Variants in TBC1D2 observed in about 807,000 individuals in gnomAD.
The protein encoded by TBC1D2 is TBC1 domain family member 2A.
Under a neutral mutation model 91.1 loss-of-function variants are expected in TBC1D2, and 58 were observed. The observed-to-expected ratio is 0.64, with a 90% confidence interval of 0.52 to 0.79. The LOEUF (loss-of-function observed/expected upper bound fraction) is 0.79, where lower values mean the gene tolerates loss of function less well. Among genes scored for constraint, TBC1D2 ranks in the 30% least tolerant of loss-of-function variants. The pLI is 0.00. For synonymous variants in TBC1D2, 482 were observed against 511.5 expected (o/e 0.94, Z 0.78); for missense variants, 1,080 against 1,208.3 (o/e 0.89, Z 1.57).
Position 98,244,142 on chromosome 9 carries a change from A to G in TBC1D2, c.512-13T>C. 6.2e-7 allele frequency: 1 copy of G among 1,612,592 alleles called. No individual in the cohort carries two copies. The highest frequency in any genetic ancestry group is 8.5e-7 in the Non-Finnish European group (1 of 1,179,322). On this transcript the variant is annotated splice_polypyrimidine_tract_variant and intron_variant, in intron 2 of 12. Transcript: ENST00000465784. ...GCCTCTTCTTGCCCTGGGAACAAAG[A>G]AAAGGGAAATCCATCAGCTGGGTCA...
intron 3 of TBC1D2, chr9:98,235,078 C>G (rs532782516): frequency 4.8e-6 from 1 of 210,480 alleles, no homozygotes; most frequent in East Asian, 1.2e-4. Flanking sequence ...GTGGCGCATG[C>G]CTGTAGTCCC....
chr9:98,203,558 G>T, intron 9 of TBC1D2, 150 bp from the exon 10 acceptor site: 1 of 1,201,268 alleles, frequency 8.3e-7, no homozygotes, highest in African/African-American at 1.5e-5. Flanking sequence ...TTGTGCTCCT[G>T]GCACCTGGGG....
chr9:98,229,504 T>C (rs2119124796), intron 4 of TBC1D2, among the ~76,000 whole-genome samples: 1 of 152,350 alleles, frequency 6.6e-6, no homozygotes, highest in South Asian at 2.1e-4. Flanking sequence ...GCCAAGTGGC[T>C]TTCTCCTCAG....
At chr9:98,234,922 A>G (rs1829464270) in intron 3 of TBC1D2, 1 of 194,668 alleles carries the variant, frequency 5.1e-6, no homozygotes, top group Admixed American at 4.8e-5. Context: ...GATCTGGGAT[A>G]TGGCTGGGCA....
Position 98,229,073 on chromosome 9 carries a change from C to A in TBC1D2, c.857G>T (p.Arg286Leu). The A allele has an allele frequency of 6.2e-7, 1 of 1,614,172 alleles. No individual in the cohort carries two copies. Among genetic ancestry groups the A allele is most frequent in the South Asian group, 1.1e-5 (1 of 91,084 alleles). Residue 286 changes from arginine (R) to leucine (L), a missense_variant, in exon 5 of 13, where the codon CGC (arginine) becomes CTC (leucine). By Grantham distance (102) the Arg-to-Leu change is moderately radical. Coordinates refer to ENST00000465784, the MANE Select transcript of TBC1D2 (RefSeq NM_001267571.2). ...LTISFAQKAK[R>L]QNNTFPFFSE... The stretch of plus-strand genomic sequence containing the variant: ...AAAGAATGGGAAGGTGTTGTTCTGG[C>A]GCTTGGCTTTCTGAGCGAAACTGAT...
rs150927921 is a variant in TBC1D2 at position 98,255,453 on chromosome 9, G to T, written c.89C>A (p.Pro30Gln). The T allele has an allele frequency of 1.3e-4, 207 of 1,599,592 alleles. No homozygotes were observed. Among genetic ancestry groups the T allele is most frequent in the Non-Finnish European group, 1.7e-4 (201 of 1,171,140 alleles). The change falls in exon 1 of 13, where the codon CCG becomes CAG. Residue 30 changes from proline to glutamine, a missense_variant. Transcript: ENST00000465784. ...GGCGCAGTCCCCCGATTCTTCCTCC[G>T]GAGGCGGCACCTGTGGATCCCTGGC... Reference protein sequence around the residue: ...ESARDPQVPPPEEESGDCARS... With the variant: ...ESARDPQVPPQEEESGDCARS...
At chr9:98,242,793 A>ACAC (rs1325418557) in intron 3 of TBC1D2, among the ~76,000 whole-genome samples, 1 of 140,660 alleles carries the variant, frequency 7.1e-6, no homozygotes, top group Non-Finnish European at 1.5e-5. Context: ...AGCCCAGGCC[A>ACAC]CACTGCTGCC....
At chr9:98,214,678 T>C (rs1455522981) in intron 6 of TBC1D2, among the ~76,000 whole-genome samples, 2 of 152,236 alleles carry the variant, frequency 1.3e-5, no homozygotes, top group Non-Finnish European at 2.9e-5. Context: ...CAGGGTCACA[T>C]GTGCACAGCC....
chr9:98,201,249 G>C (rs1482902313), intron 11 of TBC1D2, among the ~76,000 whole-genome samples: 1 of 152,134 alleles, frequency 6.6e-6, no homozygotes, highest in Admixed American at 6.5e-5. Context: ...GTGCCTCTCT[G>C]ATCATGCTCA....
intron 9 of TBC1D2, among the ~76,000 whole-genome samples, chr9:98,206,235 C>T (rs1408077478): frequency 4.6e-5 from 7 of 152,314 alleles, no homozygotes; most frequent in Admixed American, 3.9e-4. Context: ...GGATTACAGG[C>T]GTGAGCCACT....
At chr9:98,207,362 G>T (rs1447813489) in intron 9 of TBC1D2, among the ~76,000 whole-genome samples, 1 of 152,176 alleles carries the variant, frequency 6.6e-6, no homozygotes, top group Non-Finnish European at 1.5e-5. Flanking sequence ...AAATTAAATC[G>T]AGTGAAAACT....
chr9:98,231,632 T>C (rs1420618219), intron 4 of TBC1D2, among the ~76,000 whole-genome samples: 1 of 152,210 alleles, frequency 6.6e-6, no homozygotes, highest in Non-Finnish European at 1.5e-5. Flanking sequence ...ATTTTCAACT[T>C]ATGATATTTT....
intron 3 of TBC1D2, among the ~76,000 whole-genome samples, chr9:98,239,342 T>G (rs1227983069): frequency 6.6e-6 from 1 of 152,210 alleles, no homozygotes; most frequent in Non-Finnish European, 1.5e-5. Flanking sequence ...CAAGATCCAC[T>G]GCGCCTGGCC....
In TBC1D2 at chr9:98,201,462, C is replaced by T. The variant is rs757964172; in HGVS notation, c.2457+17G>A. ...CTTGCTCAGGGGCCCCCTGCCCATC[C>T]CCTGGCTGCACCCTACCTTCGTCCC... On this transcript the variant is annotated intron_variant, in intron 11 of 12. Transcript: ENST00000465784. 7.5e-6 allele frequency: 12 copies of T among 1,609,232 alleles called. No homozygotes were observed. Among genetic ancestry groups the T allele is most frequent in the Non-Finnish European group, 8.5e-6 (10 of 1,176,548 alleles).
At chr9:98,249,358 T>C (rs553885319) in intron 2 of TBC1D2, among the ~76,000 whole-genome samples, 4 of 152,238 alleles carry the variant, frequency 2.6e-5, no homozygotes, top group African/African-American at 9.6e-5. Flanking sequence ...GCCCGCCGTG[T>C]GTGCTGAAGC....
intron 1 of TBC1D2, among the ~76,000 whole-genome samples, chr9:98,253,699 G>A (rs1421638064): frequency 3.3e-5 from 5 of 152,064 alleles, no homozygotes; most frequent in Non-Finnish European, 7.4e-5. Context: ...CAAGCCTTGG[G>A]TGTGTCCCTC....
At chr9:98,209,880 C>G (rs2023361) in intron 8 of TBC1D2, among the ~76,000 whole-genome samples, 93,762 of 150,570 alleles carry the variant, frequency 0.62, 29,843 homozygotes, top group African/African-American at 0.76. Context: ...CCAGGCTGGA[C>G]TGCAGTGCTG....
intron 10 of TBC1D2, among the ~76,000 whole-genome samples, chr9:98,202,363 C>T (rs530897386): frequency 6.6e-6 from 1 of 152,280 alleles, no homozygotes; most frequent in South Asian, 2.1e-4. Flanking sequence ...TGTGATGACT[C>T]CATTTCAGTT....
Position 98,229,148 on chromosome 9 carries a change from C to T in TBC1D2, c.782G>A (p.Gly261Glu). 1 of 1,613,812 alleles carries T rather than the reference C, an allele frequency of 6.2e-7. No individual in the cohort carries two copies. The highest frequency in any genetic ancestry group is 8.5e-7 in the Non-Finnish European group (1 of 1,179,852). Residue 261 changes from glycine (G) to glutamate (E), a missense_variant and splice_region_variant, in exon 5 of 13, where the codon GGG (glycine) becomes GAG (glutamate). Coordinates refer to ENST00000465784, the MANE Select transcript of TBC1D2 (RefSeq NM_001267571.2). ...CTTTGGAGAATCCTCTGGCTCTCTC[C>T]CTGCTCAAGAGGAGAAACGCAGAAG... ...QPLASDASTP[G>E]REPEDSPKPA...
Sources: gnomAD v4.1 joint callset for allele counts (sites outside exome capture counted in the v4.1 genomes callset) on GRCh38, gnomAD v4.1.1 for gene constraint, MANE v1.5 for transcripts, NCBI Gene and HGNC (gene_info 2026-07-23, HGNC 2026-07-21) for gene names.